The following SFTPD variants were observed in gnomAD, a reference collection of about 807,000 sequenced individuals.
SFTPD encodes the protein pulmonary surfactant-associated protein D.
In SFTPD, 18 loss-of-function variants were observed where a neutral mutation model predicts 34.6. The ratio of observed to expected loss-of-function variants is 0.52; its 90% CI spans 0.36 to 0.77. The LOEUF is 0.77. Among genes scored for constraint, SFTPD ranks in the 30% least tolerant of loss-of-function variants. The probability of loss-of-function intolerance (pLI) is 0.00; values close to 1 mark genes in which losing one functional copy is unlikely to be tolerated. For missense variants in SFTPD, 433 were observed against 468.9 expected (o/e 0.92, Z 0.71); for synonymous variants, 155 against 180.9 (o/e 0.86, Z 1.15).
intron 2 of SFTPD, among the ~76,000 whole-genome samples, chr10:79,945,747 T>TA (rs929374225): frequency 4.6e-5 from 7 of 151,906 alleles, no homozygotes; most frequent in South Asian, 2.1e-4. Flanking sequence ...CATTACCAGA[T>TA]AAAAAAAACA....
intron 2 of SFTPD, among the ~76,000 whole-genome samples, chr10:79,943,856 G>T (rs1842640238): frequency 6.6e-6 from 1 of 152,214 alleles, no homozygotes; most frequent in Non-Finnish European, 1.5e-5. Context: ...AGGATGCCCT[G>T]ACCCCATGTG....
At chr10:79,979,040 T>C (rs1842877403) in intron 1 of SFTPD, among the ~76,000 whole-genome samples, 1 of 152,244 alleles carries the variant, frequency 6.6e-6, no homozygotes, top group South Asian at 2.1e-4. Context: ...TCGGTTGCAA[T>C]TTAAATACTA....
chr10:79,959,862 A>G (rs1371762284), intron 1 of SFTPD, among the ~76,000 whole-genome samples: 1 of 152,092 alleles, frequency 6.6e-6, no homozygotes, highest in Non-Finnish European at 1.5e-5. Flanking sequence ...TTTTAGACCA[A>G]TATCCTTGAT....
chr10:79,948,258 G>A (rs1396666722), intron 1 of SFTPD, among the ~76,000 whole-genome samples: 1 of 152,188 alleles, frequency 6.6e-6, no homozygotes, highest in Non-Finnish European at 1.5e-5. Context: ...TCTGTGCCCC[G>A]CAGCTCCCTC....
chr10:79,955,203 G>A (rs1038049636), intron 1 of SFTPD, among the ~76,000 whole-genome samples: 6 of 152,046 alleles, frequency 3.9e-5, no homozygotes, highest in African/African-American at 1.2e-4. Flanking sequence ...ACACCAAGGA[G>A]CTGGAACCTT....
At chr10:79,953,152 C>T (rs1224063243), upstream of SFTPD, among the ~76,000 whole-genome samples, 1 of 152,236 alleles carries the variant, frequency 6.6e-6, no homozygotes, top group Non-Finnish European at 1.5e-5. Context: ...GAACTGGTGT[C>T]CAATGTCTCT....
chr10:79,955,673 A>T (rs951764730), intron 1 of SFTPD, among the ~76,000 whole-genome samples: 2 of 152,262 alleles, frequency 1.3e-5, no homozygotes, highest in Non-Finnish European at 2.9e-5. Flanking sequence ...TCACATGCAT[A>T]TGCAGGTTCT....
intron 1 of SFTPD, among the ~76,000 whole-genome samples, chr10:79,956,928 G>A (rs1253282917): frequency 2.0e-5 from 3 of 152,052 alleles, no homozygotes; most frequent in Non-Finnish European, 2.9e-5. Context: ...CACCTCACAC[G>A]GCCGGGTACT....
At chr10:79,982,076 C>G (rs375530866) in intron 1 of SFTPD, 26 of 297,170 alleles carry the variant, frequency 8.7e-5, no homozygotes, top group African/African-American at 5.6e-4. Context: ...CTCTCTGGGC[C>G]GGCTGCTGCG....
Position 79,946,542 on chromosome 10 carries a change from A to C in SFTPD, c.118T>G (p.Cys40Gly). The C allele has an allele frequency of 5.6e-6, 9 of 1,614,176 alleles. No homozygotes were observed. Among genetic ancestry groups the C allele is most frequent in the Non-Finnish European group, 7.6e-6 (9 of 1,180,012 alleles). The change falls in exon 2 of 8, where the codon TGT (cysteine) becomes GGT (glycine). Residue 40 changes from cysteine (C) to glycine (G), a missense_variant. By Grantham distance (159) the Cys-to-Gly change is radical. Transcript: ENST00000372292. ...TMPSACTLVM[C>G]SSVESGLPGR... ...GGCAGGCCACTCTCCACTGAGCTAC[A>C]CATGACCAGGGTGCAAGCACTGGGC...
Position 79,938,110 on chromosome 10 carries a change from A to G in SFTPD, c.870T>C (p.Ser290=). 6.2e-7 allele frequency: 1 copy of G among 1,614,160 alleles called. No homozygotes were observed. The highest frequency in any genetic ancestry group is 8.5e-7 in the Non-Finnish European group (1 of 1,180,006). The change falls in exon 8 of 8, where the codon TCT becomes TCC. Residue 290 remains serine (S), a synonymous_variant. Transcript: ENST00000372292. ...CGGCATTCTCAGCGGCAGAGCGTGG[A>G]GAGGCCAACTGTCCACCAGCCTGTG... ...LCTQAGGQLA[S]PRSAAENAAL... is the part of the protein sequence containing the mutation.
In SFTPD at chr10:79,942,893, A is replaced by G; in HGVS notation, c.200-14T>C. ...CTCCTGGCAAACCTGTAGCAGCAGAAGAAATGGACAAAGACCTGGCCCTAG... is the reference window on the plus strand; with the variant it reads ...CTCCTGGCAAACCTGTAGCAGCAGAGGAAATGGACAAAGACCTGGCCCTAG... On this transcript the variant is annotated splice_polypyrimidine_tract_variant and intron_variant, in intron 2 of 7. Transcript: ENST00000372292. 1 of 1,561,690 alleles carries G rather than the reference A, an allele frequency of 6.4e-7. No individual in the cohort carries two copies. Among genetic ancestry groups the G allele is most frequent in the Non-Finnish European group, 8.8e-7 (1 of 1,132,218 alleles).
chr10:79,945,193 T>C lies in SFTPD; in HGVS notation c.199+1268A>G, dbSNP rs148048874. Among the ~76,000 whole-genome samples the C allele has an allele frequency of 6.3e-4, 96 of 152,150 alleles. No individual in the cohort carries two copies. In the East Asian group the frequency reaches 0.015, roughly 24 times the overall value. Reference sequence around the variant, plus strand: ...CTTGACCATGCTTCAGGCAGCAAGCTCCCAGGGCCATTGTGGGAAAGATCC... The same window carrying C: ...CTTGACCATGCTTCAGGCAGCAAGCCCCCAGGGCCATTGTGGGAAAGATCC... On this transcript the variant is annotated intron_variant, in intron 2 of 7. Coordinates refer to ENST00000372292, the MANE Select transcript of SFTPD (RefSeq NM_003019.5).
intron 4 of SFTPD, 31 bp downstream of exon 4, chr10:79,942,356 CT>C (rs1456212398): frequency 1.4e-6 from 2 of 1,442,554 alleles, no homozygotes; most frequent in Non-Finnish European, 2.0e-6. Flanking sequence ...CCTCCTTTCC[CT>C]TCTCAGACTG....
intron 1 of SFTPD, among the ~76,000 whole-genome samples, chr10:79,980,084 C>G (rs116809816): frequency 0.016 from 2,386 of 152,260 alleles, 73 homozygotes; most frequent in African/African-American, 0.055. Context: ...CCCCTGCTAA[C>G]TAAAGAGCCC....
chr10:79,980,477 G>A (rs1002480778), intron 1 of SFTPD, among the ~76,000 whole-genome samples: 1 of 152,144 alleles, frequency 6.6e-6, no homozygotes. Context: ...AAACATCAGT[G>A]GTAGCCAGGA....
chr10:79,982,078 G>A, intron 1 of SFTPD: 1 of 298,784 alleles, frequency 3.3e-6, no homozygotes, highest in Non-Finnish European at 6.1e-6. Context: ...CTCTGGGCCG[G>A]CTGCTGCGCC....
intron 1 of SFTPD, among the ~76,000 whole-genome samples, chr10:79,957,339 G>T (rs10887243): frequency 0.15 from 22,208 of 152,060 alleles, 2,054 homozygotes; most frequent in East Asian, 0.41. Flanking sequence ...GGCTTCAGAA[G>T]ATCAAACTAT....
chr10:79,938,354 A>G lies in SFTPD; in HGVS notation c.752-126T>C, dbSNP rs529895422. On this transcript the variant is annotated intron_variant, in intron 7 of 7. Transcript: ENST00000372292. ...CAAACAGGCACCGCATCAGGATGCC[A>G]GAGAGAATGCAAGAGAGATTGTTCC... The G allele has an allele frequency of 1.8e-4, 146 of 795,882 alleles. No homozygotes were observed. The African/African-American group carries it at 2.4e-3, about 13-fold the overall frequency. 49.3% of individuals were successfully genotyped at this position (795,882 alleles called of 1,614,324 possible).
Sources: allele counts gnomAD v4.1 joint callset (sites outside exome capture counted in the v4.1 genomes callset), GRCh38; gene constraint gnomAD v4.1.1; transcripts MANE v1.5; gene names NCBI Gene and HGNC (gene_info 2026-07-23, HGNC 2026-07-21).